KCNIP4: variants seen among roughly 807,000 people sequenced by gnomAD.
KCNIP4 encodes Kv channel-interacting protein 4.
A neutral mutation model predicts 34.0 loss-of-function variants in KCNIP4; 12 were observed. That is an observed-to-expected ratio of 0.35 (90% CI 0.23 to 0.57). The LOEUF is 0.57. Ranked by LOEUF, KCNIP4 falls within the 20% of genes least tolerant of loss-of-function variation. KCNIP4 has a pLI of 0.83. For synonymous variants in KCNIP4, 124 were observed against 102.2 expected, an observed-to-expected ratio of 1.21 and a Z score of -1.29; for missense variants, 238 against 311.7, an observed-to-expected ratio of 0.76 and a Z score of 1.78.
intron 1 of KCNIP4, among the ~76,000 whole-genome samples, chr4:21,382,371 T>A (rs1166126227): frequency 2.0e-5 from 3 of 152,130 alleles, no homozygotes. Context: ...AAAAGAAGAA[T>A]CACTCATATT....
Position 21,557,340 on chromosome 4 carries a change from C to T in KCNIP4, c.61+391231G>A, listed in dbSNP as rs537917541. The stretch of plus-strand genomic sequence containing the variant: ...TATTTCACAGTCATTATTAAAATGG[C>T]CAGAAAGATTAGAAAAGTAAAATAC... On this transcript the variant is annotated intron_variant, in intron 1 of 8. Transcript: ENST00000382152. Among the ~76,000 whole-genome samples, 31 of 151,800 alleles carry T rather than the reference C, an allele frequency of 2.0e-4. 1 individual carries two copies. The highest frequency in any genetic ancestry group is 7.5e-4 in the African/African-American group (31 of 41,396).
At chr4:20,795,965 C>A (rs1713400494) in intron 3 of KCNIP4, among the ~76,000 whole-genome samples, 1 of 152,106 alleles carries the variant, frequency 6.6e-6, no homozygotes, top group African/African-American at 2.4e-5. Context: ...TAAATACACA[C>A]ACACACGTCA....
At chr4:21,304,729 C>T (rs1712244040) in intron 1 of KCNIP4, 1 of 152,184 alleles carries the variant, frequency 6.6e-6, no homozygotes, top group African/African-American at 2.4e-5. Flanking sequence ...TATCCGAAAG[C>T]TCAGTCACTG....
At chr4:21,668,795 TATAA>T (rs774587742) in intron 1 of KCNIP4, among the ~76,000 whole-genome samples, 138 of 150,824 alleles carry the variant, frequency 9.1e-4, no homozygotes, top group Middle Eastern at 6.8e-3. Flanking sequence ...ACTTATAATT[TATAA>T]ATAAATAAAC....
At chr4:20,803,827 C>A (rs937829138) in intron 3 of KCNIP4, among the ~76,000 whole-genome samples, 1 of 151,552 alleles carries the variant, frequency 6.6e-6, no homozygotes, top group African/African-American at 2.4e-5. Context: ...TTTTTGAAAA[C>A]AACAAATTCA....
At chr4:20,912,857 A>G (rs1416527868) in intron 1 of KCNIP4, among the ~76,000 whole-genome samples, 1 of 152,188 alleles carries the variant, frequency 6.6e-6, no homozygotes, top group East Asian at 1.9e-4. Context: ...GGGTAAGGCT[A>G]TAATAAAAAA....
intron 1 of KCNIP4, among the ~76,000 whole-genome samples, chr4:20,971,376 G>A (rs1734934772): frequency 6.6e-6 from 1 of 152,136 alleles, no homozygotes; most frequent in African/African-American, 2.4e-5. Flanking sequence ...ATCTATTAAA[G>A]ATGCAATTGA....
intron 1 of KCNIP4, among the ~76,000 whole-genome samples, chr4:21,339,742 A>C (rs1716558024): frequency 1.3e-5 from 2 of 152,144 alleles, no homozygotes; most frequent in Non-Finnish European, 2.9e-5. Flanking sequence ...GGAGAAACAA[A>C]AGGCATGATA....
intron 1 of KCNIP4, among the ~76,000 whole-genome samples, chr4:20,990,312 A>T (rs1736979433): frequency 6.6e-6 from 1 of 152,234 alleles, no homozygotes; most frequent in African/African-American, 2.4e-5. Flanking sequence ...CTCAAACATG[A>T]TCAGACTCAA....
chr4:21,774,737 TC>T (rs1311016965), intron 1 of KCNIP4, among the ~76,000 whole-genome samples: 1 of 152,172 alleles, frequency 6.6e-6, no homozygotes, highest in Non-Finnish European at 1.5e-5. Context: ...GATCAATTCA[TC>T]TGTTCACACT....
intron 1 of KCNIP4, among the ~76,000 whole-genome samples, chr4:20,956,216 A>T (rs1733288462): frequency 6.6e-6 from 1 of 152,240 alleles, no homozygotes; most frequent in African/African-American, 2.4e-5. Flanking sequence ...CCTCTGTAAG[A>T]AATCAGATGT....
At chr4:21,524,986 A>G (rs1250489286) in intron 1 of KCNIP4, among the ~76,000 whole-genome samples, 1 of 152,132 alleles carries the variant, frequency 6.6e-6, no homozygotes, top group African/African-American at 2.4e-5. Context: ...CTGTTTTCCA[A>G]TAGAGCCAGT....
intron 3 of KCNIP4, among the ~76,000 whole-genome samples, chr4:20,837,724 C>T (rs1217226886): frequency 6.8e-6 from 1 of 147,586 alleles, no homozygotes. Flanking sequence ...GCTCTGTCAC[C>T]CAGGCTGGAG....
chr4:20,865,461 A>G (rs562556506), intron 2 of KCNIP4, among the ~76,000 whole-genome samples: 138 of 152,228 alleles, frequency 9.1e-4, no homozygotes, highest in African/African-American at 3.2e-3. Flanking sequence ...AAATATGGAA[A>G]CAACTTATGT....
At chr4:21,059,232 G>A (rs563378348) in intron 1 of KCNIP4, among the ~76,000 whole-genome samples, 1 of 152,250 alleles carries the variant, frequency 6.6e-6, no homozygotes, top group East Asian at 1.9e-4. Context: ...TTAAGACTTT[G>A]TGGGTCTAAA....
rs115697281 is a variant in KCNIP4, at chr4:21,066,513, C to A, written c.62-183804G>T. 1.8e-3 allele frequency among the ~76,000 whole-genome samples: 278 copies of A among 152,248 alleles called. 1 individual carries two copies. The highest frequency in any genetic ancestry group is 6.2e-3 in the African/African-American group (257 of 41,556). On this transcript the variant is annotated intron_variant, in intron 1 of 8. Coordinates refer to ENST00000382152, the MANE Select transcript of KCNIP4 (RefSeq NM_025221.6). ...TAATCACCTATACCATCCCTCCCCC[C>A]ATCCCCCGCATCCCCCTCATCCCCT...
intron 2 of KCNIP4, among the ~76,000 whole-genome samples, chr4:20,864,222 G>GCACA (rs1204962873): frequency 4.2e-5 from 6 of 142,364 alleles, no homozygotes; most frequent in South Asian, 4.6e-4. Context: ...ATGTATATAT[G>GCACA]CATATATATG....
intron 1 of KCNIP4, among the ~76,000 whole-genome samples, chr4:20,945,517 C>A (rs1029048093): frequency 1.3e-5 from 2 of 152,080 alleles, no homozygotes; most frequent in Admixed American, 6.6e-5. Context: ...TATTTCAAAG[C>A]CTTATGCAAA....
chr4:21,936,651 C>T (rs1239001687), intron 1 of KCNIP4, among the ~76,000 whole-genome samples: 1 of 152,014 alleles, frequency 6.6e-6, no homozygotes, highest in East Asian at 1.9e-4. Context: ...TACAGAGAGG[C>T]CATGTGGCTT....
Sources: allele counts gnomAD v4.1 joint callset (sites outside exome capture counted in the v4.1 genomes callset), GRCh38; gene constraint gnomAD v4.1.1; transcripts MANE v1.5; gene names NCBI Gene and HGNC (gene_info 2026-07-23, HGNC 2026-07-21).